Variants in GPC6 observed in about 807,000 individuals in gnomAD.
The protein encoded by GPC6 is glypican-6.
Under a neutral mutation model 55.2 loss-of-function variants are expected in GPC6, and 14 were observed. The ratio of observed to expected loss-of-function variants is 0.25; its 90% CI spans 0.17 to 0.40. The LOEUF is 0.40. GPC6 is among the 10% of genes least tolerant of loss of function. The pLI is 1.00. For missense variants in GPC6, 641 were observed against 708.5 expected (o/e 0.90, Z 1.08); for synonymous variants, 278 against 259.6 (o/e 1.07, Z -0.68).
chr13:93,293,730 C>A (rs1170136881), intron 1 of GPC6, among the ~76,000 whole-genome samples: 2 of 152,120 alleles, frequency 1.3e-5, no homozygotes, highest in East Asian at 3.8e-4. Context: ...TAAATCATTT[C>A]ATTCTATTTT....
intron 1 of GPC6, among the ~76,000 whole-genome samples, chr13:93,263,005 T>C (rs1412898911): frequency 6.6e-6 from 1 of 152,188 alleles, no homozygotes; most frequent in Non-Finnish European, 1.5e-5. Context: ...ATGGGTTTTT[T>C]TAACAAAGGA....
intron 1 of GPC6, among the ~76,000 whole-genome samples, chr13:93,515,515 T>C (rs1298917676): frequency 6.6e-6 from 1 of 152,222 alleles, no homozygotes; most frequent in Non-Finnish European, 1.5e-5. Flanking sequence ...AATGGCTAAC[T>C]TCAGAAACTT....
At chr13:93,814,691 A>T (rs1358596901) in intron 2 of GPC6, among the ~76,000 whole-genome samples, 1 of 152,202 alleles carries the variant, frequency 6.6e-6, no homozygotes, top group Non-Finnish European at 1.5e-5. Flanking sequence ...CCATGAACAA[A>T]AGCGAGATTG....
intron 5 of GPC6, 51 bp downstream of exon 5, chr13:94,286,530 A>G (rs375915336): frequency 9.6e-5 from 145 of 1,510,444 alleles, no homozygotes; most frequent in Non-Finnish European, 1.3e-4. Flanking sequence ...ATACAGGTGC[A>G]ATAACCTAAA....
intron 2 of GPC6, among the ~76,000 whole-genome samples, chr13:93,717,144 G>GCA (rs781393980): frequency 9.8e-4 from 147 of 150,624 alleles, no homozygotes; most frequent in East Asian, 3.7e-3. Context: ...GCATGGGTGC[G>GCA]CACACACACA....
chr13:93,931,493 C>T (rs529178034), intron 3 of GPC6, among the ~76,000 whole-genome samples: 310 of 151,238 alleles, frequency 2.0e-3, no homozygotes, highest in Middle Eastern at 3.5e-3. Flanking sequence ...CGTAGTGGCT[C>T]ACGCTCACGC....
chr13:93,998,853 C>T (rs1881672167), intron 3 of GPC6, among the ~76,000 whole-genome samples: 1 of 151,944 alleles, frequency 6.6e-6, no homozygotes, highest in African/African-American at 2.4e-5. Context: ...GTGGTAAGAA[C>T]ACTTAAAATC....
At chr13:94,340,617 T>C (rs1010616865) in intron 6 of GPC6, among the ~76,000 whole-genome samples, 11 of 152,258 alleles carry the variant, frequency 7.2e-5, no homozygotes, top group African/African-American at 2.2e-4. Flanking sequence ...GAGGTCACTA[T>C]GTATATAAAG....
intron 6 of GPC6, among the ~76,000 whole-genome samples, chr13:94,351,402 G>T (rs946253625): frequency 1.3e-5 from 2 of 152,060 alleles, no homozygotes; most frequent in African/African-American, 4.8e-5. Flanking sequence ...ACACCATGCT[G>T]ATTCTGAAAG....
At chr13:93,806,395 T>A (rs554310908) in intron 2 of GPC6, among the ~76,000 whole-genome samples, 1 of 152,252 alleles carries the variant, frequency 6.6e-6, no homozygotes, top group South Asian at 2.1e-4. Context: ...TGGAGGGCAA[T>A]GGCGCAGTCG....
chr13:93,938,536 A>T (rs1331446315), intron 3 of GPC6, among the ~76,000 whole-genome samples: 4 of 152,230 alleles, frequency 2.6e-5, no homozygotes, highest in Non-Finnish European at 5.9e-5. Flanking sequence ...TGAAGAATAC[A>T]AAATTTCAAT....
At chr13:94,347,086 G>A (rs932906068) in intron 6 of GPC6, among the ~76,000 whole-genome samples, 27 of 151,934 alleles carry the variant, frequency 1.8e-4, no homozygotes, top group East Asian at 9.6e-4. Context: ...CATTTTGTTC[G>A]TTGGAGGTGA....
intron 1 of GPC6, among the ~76,000 whole-genome samples, chr13:93,282,400 A>C (rs1877983159): frequency 1.3e-5 from 2 of 152,210 alleles, no homozygotes; most frequent in South Asian, 4.1e-4. Flanking sequence ...CTCTTCCCAG[A>C]TTCTGAATTC....
intron 6 of GPC6, among the ~76,000 whole-genome samples, chr13:94,351,962 CA>C (rs60206836): frequency 3.7e-3 from 371 of 101,516 alleles, no homozygotes; most frequent in African/African-American, 0.012. Flanking sequence ...GAGAAGAAGG[CA>C]AAAAAAAAAA....
chr13:93,631,767 TTC>T (rs1879450958), intron 2 of GPC6, among the ~76,000 whole-genome samples: 1 of 152,228 alleles, frequency 6.6e-6, no homozygotes, highest in African/African-American at 2.4e-5. Context: ...TCTAGCATAC[TTC>T]CTCAAACTCA....
chr13:94,387,164 C>T (rs1443182209), intron 7 of GPC6, among the ~76,000 whole-genome samples: 1 of 152,122 alleles, frequency 6.6e-6, no homozygotes, highest in Non-Finnish European at 1.5e-5. Flanking sequence ...GGTGTGTAAG[C>T]AGTGGCTCCC....
Position 93,655,889 on chromosome 13 carries a change from C to T in GPC6, c.319+110468C>T, listed in dbSNP as rs116134980. On this transcript the variant is annotated intron_variant, in intron 2 of 8. Coordinates refer to ENST00000377047, the MANE Select transcript of GPC6 (RefSeq NM_005708.5). ...TGATGGTCTTGTAGTAGGAGAATGG[C>T]ATACATATATAGAATGGTTAACTTG... 1.6e-3 allele frequency among the ~76,000 whole-genome samples: 238 copies of T among 152,214 alleles called. 1 individual carries two copies. Among genetic ancestry groups the T allele is most frequent in the African/African-American group, 5.4e-3 (223 of 41,542 alleles).
chr13:93,946,708 T>C (rs1183366115), intron 3 of GPC6, among the ~76,000 whole-genome samples: 1 of 152,328 alleles, frequency 6.6e-6, no homozygotes, highest in East Asian at 1.9e-4. Flanking sequence ...TCTTGAATAT[T>C]AGACTATCAA....
intron 3 of GPC6, among the ~76,000 whole-genome samples, chr13:93,852,159 T>C (rs908539325): frequency 2.0e-5 from 3 of 151,786 alleles, no homozygotes; most frequent in African/African-American, 7.2e-5. Flanking sequence ...TTCTGAGGAA[T>C]AGGCTCTCTT....
Sources: gnomAD v4.1 joint callset for allele counts (sites outside exome capture counted in the v4.1 genomes callset) on GRCh38, gnomAD v4.1.1 for gene constraint, MANE v1.5 for transcripts, NCBI Gene and HGNC (gene_info 2026-07-23, HGNC 2026-07-21) for gene names.